RAB6A: variants seen among roughly 807,000 people sequenced by gnomAD.
RAB6A encodes the protein RAB6A, member RAS oncogene family.
In RAB6A, 8 loss-of-function variants were observed where a neutral mutation model predicts 32.3. The observed-to-expected ratio is 0.25, with a 90% CI of 0.15 to 0.45. The LOEUF (loss-of-function observed/expected upper bound fraction) is 0.45. Among genes scored for constraint, RAB6A ranks in the 20% least tolerant of loss-of-function variants. The probability of loss-of-function intolerance (pLI) is 1.00; values close to 1 mark genes in which losing one functional copy is unlikely to be tolerated. For missense variants in RAB6A, 104 were observed against 249.4 expected, an observed-to-expected ratio of 0.42 and a Z score of 3.93; for synonymous variants, 73 against 82.1, an observed-to-expected ratio of 0.89 and a Z score of 0.60.
chr11:73,700,619 G>A lies in RAB6A; in HGVS notation c.495+6801C>T, dbSNP rs570858895. ...AAAAAAGTGTGTGTGTGGGGGGGGG[G>A]GGGGGAGGAGGGTAGTGGATGAGAA... On this transcript the variant is annotated intron_variant, in intron 6 of 7. Transcript: ENST00000336083. Among the ~76,000 whole-genome samples, 386 of 125,368 alleles carry A rather than the reference G, an allele frequency of 3.1e-3. 24 individuals carry two copies. Among genetic ancestry groups the A allele is most frequent in the Non-Finnish European group, 5.3e-3 (313 of 58,926 alleles). The allele number at this position is 125,368 out of a possible 152,430, so 82.2% of individuals were successfully genotyped here.
At chr11:73,752,749 CACAGGT>C (rs1946687057) in intron 1 of RAB6A, among the ~76,000 whole-genome samples, 1 of 148,150 alleles carries the variant, frequency 6.7e-6, no homozygotes, top group African/African-American at 2.5e-5. Context: ...GCCTGGAAGG[CACAGGT>C]TGCGGTGAGC....
chr11:73,685,912 G>T (rs1328855209), intron 6 of RAB6A, among the ~76,000 whole-genome samples: 2 of 91,090 alleles, frequency 2.2e-5, no homozygotes, highest in African/African-American at 3.9e-5. Context: ...AAAAAAAGCA[G>T]CTTTATTTCT....
intron 6 of RAB6A, among the ~76,000 whole-genome samples, chr11:73,706,802 C>G (rs1348174885): frequency 2.0e-5 from 3 of 152,128 alleles, no homozygotes; most frequent in Non-Finnish European, 4.4e-5. Flanking sequence ...TTTCATTTAT[C>G]TCAGTCTTGG....
chr11:73,679,749 G>A (rs1286233278), intron 6 of RAB6A, 29 bp from the exon 7 acceptor site: 1 of 1,612,778 alleles, frequency 6.2e-7, no homozygotes, highest in East Asian at 2.2e-5. Context: ...AGTGATAACT[G>A]AGAGGGAACA....
intron 6 of RAB6A, among the ~76,000 whole-genome samples, chr11:73,680,375 G>C (rs1945336096): frequency 6.6e-6 from 1 of 152,070 alleles, no homozygotes; most frequent in Non-Finnish European, 1.5e-5. Context: ...TGAGGTTCAG[G>C]GCTGGACGCG....
chr11:73,692,230 C>T (rs1181613320), intron 6 of RAB6A, among the ~76,000 whole-genome samples: 2 of 151,978 alleles, frequency 1.3e-5, no homozygotes, highest in Admixed American at 1.3e-4. Context: ...CAAGGCCGGG[C>T]GCAGTGGCTC....
At chr11:73,712,528 T>G (rs983808530) in intron 5 of RAB6A, among the ~76,000 whole-genome samples, 1 of 152,026 alleles carries the variant, frequency 6.6e-6, no homozygotes, top group African/African-American at 2.4e-5. Flanking sequence ...TTTTTGTATT[T>G]TTAGTAGAGA....
intron 2 of RAB6A, among the ~76,000 whole-genome samples, chr11:73,726,455 G>A (rs975896463): frequency 2.6e-5 from 4 of 151,546 alleles, no homozygotes; most frequent in Non-Finnish European, 5.9e-5. Context: ...GGTGGCAGGT[G>A]CCTGCAGTCC....
intron 1 of RAB6A, among the ~76,000 whole-genome samples, chr11:73,744,120 C>T (rs1371703890): frequency 2.6e-5 from 4 of 151,842 alleles, no homozygotes; most frequent in African/African-American, 4.8e-5. Context: ...GGGTGGATCA[C>T]GAGGTCAAGA....
chr11:73,706,934 A>G (rs539989013), intron 6 of RAB6A, among the ~76,000 whole-genome samples: 1 of 152,128 alleles, frequency 6.6e-6, no homozygotes, highest in African/African-American at 2.4e-5. Context: ...CCTGACCAAC[A>G]TGAAAAAAAC....
intron 1 of RAB6A, among the ~76,000 whole-genome samples, chr11:73,748,425 C>T (rs1021067916): frequency 1.6e-4 from 25 of 152,124 alleles, no homozygotes; most frequent in Admixed American, 1.6e-3. Flanking sequence ...TTTAAAATAA[C>T]GCACTTTTCC....
chr11:73,740,628 C>T (rs12225286), intron 1 of RAB6A, among the ~76,000 whole-genome samples: 25,041 of 151,734 alleles, frequency 0.17, 2,292 homozygotes, highest in African/African-American at 0.24. Flanking sequence ...GCGGCTCACG[C>T]CGGTAATCCC....
intron 5 of RAB6A, among the ~76,000 whole-genome samples, chr11:73,714,669 A>C (rs904686263): frequency 6.7e-6 from 1 of 148,930 alleles, no homozygotes; most frequent in Non-Finnish European, 1.5e-5. Context: ...CTCAAAAATA[A>C]ATAAATAAAT....
chr11:73,751,213 G>A (rs974149718), intron 1 of RAB6A, among the ~76,000 whole-genome samples: 4 of 152,020 alleles, frequency 2.6e-5, no homozygotes, highest in Middle Eastern at 3.2e-3. Context: ...CAGGAGTTCC[G>A]GGCTGTAGTA....
chr11:73,691,942 C>T (rs767960084), intron 6 of RAB6A, among the ~76,000 whole-genome samples: 17 of 151,798 alleles, frequency 1.1e-4, no homozygotes, highest in Non-Finnish European at 1.6e-4. Context: ...CACTGCACTC[C>T]GGCCTGGGTG....
chr11:73,737,861 G>A (rs11235884), intron 1 of RAB6A, among the ~76,000 whole-genome samples: 73,072 of 151,384 alleles, frequency 0.48, 18,987 homozygotes, highest in East Asian at 0.6. Flanking sequence ...GCTGGGCGTG[G>A]TGGTGGGCGC....
chr11:73,746,345 T>TAC lies in RAB6A; in HGVS notation c.70+14219_70+14220dup, dbSNP rs571671490. ...ACATATCAATCAAACATTTTCTCTA[T>TAC]ACACACACACAAAAAATAGCCAGGC... On this transcript the variant is annotated intron_variant, in intron 1 of 7. Transcript: ENST00000336083. 4.3e-4 allele frequency among the ~76,000 whole-genome samples: 66 copies of TAC among 152,066 alleles called. No homozygotes were observed. The East Asian group carries it at 4.6e-3, about 11-fold the overall frequency.
chr11:73,712,016 AT>A (rs926108593), intron 5 of RAB6A, among the ~76,000 whole-genome samples: 1 of 152,096 alleles, frequency 6.6e-6, no homozygotes, highest in Non-Finnish European at 1.5e-5. Context: ...GATATTAGCC[AT>A]TTTTGATACG....
chr11:73,710,833 C>A (rs1054679242), intron 5 of RAB6A, among the ~76,000 whole-genome samples: 2 of 151,746 alleles, frequency 1.3e-5, no homozygotes, highest in African/African-American at 4.8e-5. Context: ...ACTGTAACCT[C>A]GAACTCCTGA....
Sources: gnomAD v4.1 joint callset for allele counts (sites outside exome capture counted in the v4.1 genomes callset) on GRCh38, gnomAD v4.1.1 for gene constraint, MANE v1.5 for transcripts, NCBI Gene and HGNC (gene_info 2026-07-23, HGNC 2026-07-21) for gene names.